TLK1: variants seen among roughly 807,000 people sequenced by gnomAD.
TLK1 encodes serine/threonine-protein kinase tousled-like 1.
TLK1 carries 24 observed loss-of-function variants against 105.3 expected under a neutral mutation model. That is an observed-to-expected ratio of 0.23 (90% CI 0.17 to 0.32). TLK1 has a LOEUF of 0.32. TLK1 is among the 10% of genes least tolerant of loss of function. The pLI, the probability that TLK1 is intolerant of heterozygous loss-of-function variation, is 1.00. For synonymous variants in TLK1, 321 were observed against 310.4 expected (o/e 1.03, Z -0.36); for missense variants, 558 against 910.5 (o/e 0.61, Z 4.98).
At chr2:171,070,228 T>C (rs1688188969) in intron 3 of TLK1, among the ~76,000 whole-genome samples, 1 of 152,114 alleles carries the variant, frequency 6.6e-6, no homozygotes, top group African/African-American at 2.4e-5. Context: ...GTGTATATAT[T>C]TATGGGGTAC....
chr2:171,003,273 CAAA>C (rs777049271), intron 18 of TLK1, among the ~76,000 whole-genome samples: 260 of 68,362 alleles, frequency 3.8e-3, no homozygotes, highest in African/African-American at 0.019. Flanking sequence ...GACTCCGTCT[CAAA>C]AAAAAAAAAA....
chr2:171,024,279 T>C (rs1308082771), intron 12 of TLK1, among the ~76,000 whole-genome samples: 1 of 152,160 alleles, frequency 6.6e-6, no homozygotes, highest in Non-Finnish European at 1.5e-5. Context: ...ATGTGCTTTT[T>C]AAAAAGGTCT....
Position 171,160,221 on chromosome 2 carries a change from G to T in TLK1, c.139+69C>A, listed in dbSNP as rs1692418431. On this transcript the variant is annotated intron_variant, in intron 1 of 20. Transcript: ENST00000431350. The surrounding 1 kb of genome is among the most constrained non-coding windows in gnomAD (Gnocchi z 4.4). ...GAAGCCCCGGGGCGGGGGGGGCGGG[G>T]GGGGGGCGCGGGGGTCCGCGGCGCG... 7.8e-7 allele frequency: 1 copy of T among 1,274,778 alleles called. No homozygotes were observed. 79.0% of individuals were successfully genotyped at this position (1,274,778 alleles called of 1,614,324 possible).
chr2:171,026,989 T>C (rs1204765817), intron 12 of TLK1, among the ~76,000 whole-genome samples: 4 of 152,124 alleles, frequency 2.6e-5, no homozygotes, highest in African/African-American at 7.2e-5. Flanking sequence ...ACTGTTCAAG[T>C]AGTTTACGTT....
rs1360191292 is a variant in TLK1 at position 170,996,646 on chromosome 2, T to G, written c.2124+7A>C. On this transcript the variant is annotated splice_region_variant and intron_variant, in intron 20 of 20. Coordinates refer to ENST00000431350, the MANE Select transcript of TLK1 (RefSeq NM_012290.5). ...CTTCACAAAACTCATTTACAAAAATTTAATACCTTGGCTTCACTGCTTACA... is the reference window on the plus strand; with the variant it reads ...CTTCACAAAACTCATTTACAAAAATGTAATACCTTGGCTTCACTGCTTACA... 1 of 1,603,316 alleles carries G rather than the reference T, an allele frequency of 6.2e-7. No homozygotes were observed. The highest frequency in any genetic ancestry group is 1.8e-5 in the Admixed American group (1 of 57,140).
chr2:171,163,765 AC>A (rs1178582573), upstream of TLK1, among the ~76,000 whole-genome samples: 1 of 151,092 alleles, frequency 6.6e-6, no homozygotes, highest in East Asian at 1.9e-4. Context: ...TTTAATTGTC[AC>A]CCAGGCTGGA....
intron 1 of TLK1, among the ~76,000 whole-genome samples, chr2:171,227,213 C>T (rs930084970): frequency 6.6e-6 from 1 of 152,190 alleles, no homozygotes; most frequent in Admixed American, 6.5e-5. Context: ...GCCCCAAGCT[C>T]TAATGATAAA....
At chr2:171,068,121 G>A (rs909261651) in intron 3 of TLK1, among the ~76,000 whole-genome samples, 2 of 152,126 alleles carry the variant, frequency 1.3e-5, no homozygotes, top group Non-Finnish European at 1.5e-5. Context: ...GAGGTCAGGA[G>A]TTCGAGACCA....
At chr2:171,063,182 C>T (rs1284513128) in intron 3 of TLK1, among the ~76,000 whole-genome samples, 1 of 151,980 alleles carries the variant, frequency 6.6e-6, no homozygotes, top group African/African-American at 2.4e-5. Flanking sequence ...CCTGACTCTA[C>T]TAAAAATATA....
Position 170,993,795 on chromosome 2 carries a change from G to A in TLK1, c.2286C>T (p.Ser762=), listed in dbSNP as rs1182455309. Residue 762 remains serine, a synonymous_variant, in exon 21 of 21, where the codon AGC becomes AGT. Coordinates refer to ENST00000431350, the MANE Select transcript of TLK1 (RefSeq NM_012290.5). ...LTASPTPPSS[S]IITY is the part of the protein sequence containing the mutation. ...TGGAGGAAAGTCAGTAAGTAATTAT[G>A]CTTGAAGAAGGGGGTGTAGGGGATG... 3 of 1,593,018 alleles carry A rather than the reference G, an allele frequency of 1.9e-6. No homozygotes were observed. The highest frequency in any genetic ancestry group is 1.7e-4 in the Middle Eastern group (1 of 6,000).
Position 171,087,259 on chromosome 2 carries a change from A to G in TLK1, c.259-4407T>C, listed in dbSNP as rs531520984. Among the ~76,000 whole-genome samples, 86 of 152,382 alleles carry G rather than the reference A, an allele frequency of 5.6e-4. 1 individual carries two copies. In the South Asian group the frequency reaches 0.011, roughly 20 times the overall value. On this transcript the variant is annotated intron_variant, in intron 2 of 20. Coordinates refer to ENST00000431350, the MANE Select transcript of TLK1 (RefSeq NM_012290.5). ...AAATAAATAACATAAAGCAGCTAAT[A>G]TAAGTAGCTCAAACGACAAGATTGG... is the stretch of plus-strand genomic sequence containing the variant.
At chr2:171,140,939 A>G (rs1691547848) in intron 1 of TLK1, among the ~76,000 whole-genome samples, 1 of 152,250 alleles carries the variant, frequency 6.6e-6, no homozygotes, top group Non-Finnish European at 1.5e-5. Context: ...TTGAAATTCT[A>G]GAACCAAAAA....
At chr2:171,131,841 T>C (rs905363053) in intron 1 of TLK1, among the ~76,000 whole-genome samples, 2 of 152,164 alleles carry the variant, frequency 1.3e-5, no homozygotes, top group African/African-American at 2.4e-5. Context: ...TACTTTTTTT[T>C]TTTCCAACAA....
chr2:171,201,902 T>TATCC (rs777469296), intron 1 of TLK1, among the ~76,000 whole-genome samples: 1 of 76,336 alleles, frequency 1.3e-5, no homozygotes, highest in Non-Finnish European at 2.8e-5. Flanking sequence ...AGCTATCATC[T>TATCC]ATCTATCTAT....
intron 2 of TLK1, among the ~76,000 whole-genome samples, chr2:171,114,923 T>C (rs1170786182): frequency 6.6e-6 from 1 of 152,148 alleles, no homozygotes; most frequent in East Asian, 1.9e-4. Context: ...TACAGTCCTA[T>C]AAACACCATG....
At chr2:171,139,201 C>T (rs1271604426) in intron 1 of TLK1, among the ~76,000 whole-genome samples, 1 of 152,182 alleles carries the variant, frequency 6.6e-6, no homozygotes, top group Non-Finnish European at 1.5e-5. Context: ...TGTTATTTCA[C>T]GAAGAGCTGT....
rs1255176776 is a variant in TLK1, at chr2:171,160,052, C to A, written c.139+238G>T. Among the ~76,000 whole-genome samples the A allele has an allele frequency of 6.6e-6, 1 of 152,170 alleles. No homozygotes were observed. The highest frequency in any genetic ancestry group is 1.5e-5 in the Non-Finnish European group (1 of 68,006). On this transcript the variant is annotated intron_variant, in intron 1 of 20. Transcript: ENST00000431350. The surrounding 1 kb of genome is among the most constrained non-coding windows in gnomAD (Gnocchi z 4.4). Reference sequence around the variant, plus strand: ...GGCGAGTCTATGCGCCTCGCCCCGTCCCCACCAGCGCGCACCCCCTCGTCC... The same window carrying A: ...GGCGAGTCTATGCGCCTCGCCCCGTACCCACCAGCGCGCACCCCCTCGTCC...
intron 1 of TLK1, among the ~76,000 whole-genome samples, chr2:171,223,394 G>A (rs757636120): frequency 6.6e-6 from 1 of 151,528 alleles, no homozygotes; most frequent in Non-Finnish European, 1.5e-5. Context: ...TTTATCTGAT[G>A]ATTAATGAGG....
At chr2:171,022,086 A>AACACACACACACACAC (rs557803785) in intron 12 of TLK1, among the ~76,000 whole-genome samples, 183 of 103,078 alleles carry the variant, frequency 1.8e-3, no homozygotes, top group African/African-American at 4.6e-3. Flanking sequence ...CTGGGCGAAA[A>AACACACACACACACAC]ACACACACAC....
Sources: gnomAD v4.1 joint callset for allele counts (sites outside exome capture counted in the v4.1 genomes callset) on GRCh38, gnomAD v4.1.1 for gene constraint, Gnocchi (gnomAD v3.1) non-coding constraint, MANE v1.5 for transcripts, NCBI Gene and HGNC (gene_info 2026-07-23, HGNC 2026-07-21) for gene names.